Variants in LRRC4C observed in about 807,000 individuals in gnomAD.
LRRC4C encodes the protein leucine-rich repeat-containing protein 4C.
Under a neutral mutation model 33.6 loss-of-function variants are expected in LRRC4C, and 5 were observed. The observed-to-expected ratio is 0.15, with a 90% CI of 0.08 to 0.31. LRRC4C has a LOEUF of 0.31. Ranked by LOEUF, LRRC4C falls within the 10% of genes least tolerant of loss-of-function variation. The pLI, the probability that LRRC4C is intolerant of heterozygous loss-of-function variation, is 1.00. For missense variants in LRRC4C, 560 were observed against 796.7 expected, an observed-to-expected ratio of 0.70 and a Z score of 3.58; for synonymous variants, 329 against 302.0, an observed-to-expected ratio of 1.09 and a Z score of -0.93.
chr11:40,361,041 C>G (rs1255910932), intron 3 of LRRC4C, among the ~76,000 whole-genome samples: 1 of 152,112 alleles, frequency 6.6e-6, no homozygotes, highest in Non-Finnish European at 1.5e-5. Flanking sequence ...TGATATAGTT[C>G]AACATCCTTC....
At chr11:41,453,475 C>T (rs1244567830) in intron 1 of LRRC4C, among the ~76,000 whole-genome samples, 2 of 152,064 alleles carry the variant, frequency 1.3e-5, no homozygotes, top group African/African-American at 2.4e-5. Flanking sequence ...TTACAGAAGG[C>T]TTGCTCTGGA....
intron 2 of LRRC4C, among the ~76,000 whole-genome samples, chr11:40,678,651 T>G (rs11036013): frequency 0.14 from 20,585 of 151,940 alleles, 1,590 homozygotes; most frequent in Non-Finnish European, 0.17. Context: ...ATCTGATAGT[T>G]TTATAAAGGG....
intron 1 of LRRC4C, among the ~76,000 whole-genome samples, chr11:41,059,210 G>GTTGTTTTTTT (rs71060994): frequency 6.9e-4 from 87 of 125,202 alleles, no homozygotes; most frequent in African/African-American, 1.1e-3. Flanking sequence ...TAAAATAAAA[G>GTTGTTTTTTT]TTTTTTTTTT....
chr11:41,409,426 A>C (rs897407776), intron 1 of LRRC4C, among the ~76,000 whole-genome samples: 3 of 152,248 alleles, frequency 2.0e-5, no homozygotes, highest in Non-Finnish European at 4.4e-5. Context: ...ACTTTCTGAC[A>C]GGCAAAATGC....
At chr11:40,972,085 G>A (rs1218199980) in intron 1 of LRRC4C, among the ~76,000 whole-genome samples, 1 of 151,176 alleles carries the variant, frequency 6.6e-6, no homozygotes, top group African/African-American at 2.4e-5. Flanking sequence ...ATGGACTTTT[G>A]AGTTACTTCT....
At chr11:40,401,290 C>T (rs1220123044) in intron 3 of LRRC4C, among the ~76,000 whole-genome samples, 3 of 151,838 alleles carry the variant, frequency 2.0e-5, no homozygotes, top group African/African-American at 4.8e-5. Flanking sequence ...CTTATCTTAC[C>T]ACAAACATCT....
intron 2 of LRRC4C, among the ~76,000 whole-genome samples, chr11:40,700,079 G>A (rs574496975): frequency 6.6e-6 from 1 of 152,116 alleles, no homozygotes; most frequent in African/African-American, 2.4e-5. Context: ...AAGGGGAGGG[G>A]GACTTTTGAA....
chr11:40,336,516 G>C (rs1427638220), intron 3 of LRRC4C, among the ~76,000 whole-genome samples: 1 of 152,062 alleles, frequency 6.6e-6, no homozygotes, highest in Non-Finnish European at 1.5e-5. Flanking sequence ...CTGCCACCAA[G>C]GTTCAGATTC....
At chr11:40,239,340 A>G (rs985023566) in intron 5 of LRRC4C, among the ~76,000 whole-genome samples, 6 of 152,048 alleles carry the variant, frequency 3.9e-5, no homozygotes, top group African/African-American at 1.4e-4. Context: ...TTTGATCCTC[A>G]TGTCCCTCAG....
At chr11:40,381,666 TCTC>T (rs1351552768) in intron 3 of LRRC4C, among the ~76,000 whole-genome samples, 1 of 151,980 alleles carries the variant, frequency 6.6e-6, no homozygotes, top group Non-Finnish European at 1.5e-5. Context: ...AACGTGACTC[TCTC>T]CTCATTTGCT....
rs145089826 is a variant in LRRC4C at position 40,676,923 on chromosome 11, G to A, written c.-406-28645C>T. On this transcript the variant is annotated intron_variant, in intron 2 of 6. Coordinates refer to ENST00000528697, the MANE Select transcript of LRRC4C (RefSeq NM_001258419.2). ...TTTCCCAATTTACCTCTCAAATGTGGCACATTAATGGACAATGAAAAACAT... is the reference window on the plus strand; with the variant it reads ...TTTCCCAATTTACCTCTCAAATGTGACACATTAATGGACAATGAAAAACAT... Among the ~76,000 whole-genome samples, 328 of 152,130 alleles carry A rather than the reference G, an allele frequency of 2.2e-3. 1 individual carries two copies. The highest frequency in any genetic ancestry group is 7.6e-3 in the African/African-American group (315 of 41,502).
At chr11:40,791,351 TC>T (rs1321559952) in intron 2 of LRRC4C, among the ~76,000 whole-genome samples, 1 of 152,110 alleles carries the variant, frequency 6.6e-6, no homozygotes, top group East Asian at 1.9e-4. Context: ...TCAGTTATTT[TC>T]CCCCCACTTG....
intron 2 of LRRC4C, among the ~76,000 whole-genome samples, chr11:40,790,586 G>A (rs973117198): frequency 1.1e-4 from 17 of 152,190 alleles, no homozygotes; most frequent in African/African-American, 4.1e-4. Context: ...AGCAGCCAAG[G>A]AGATTTTCCC....
chr11:40,856,597 C>T (rs372459445), intron 2 of LRRC4C, among the ~76,000 whole-genome samples: 1 of 152,316 alleles, frequency 6.6e-6, no homozygotes, highest in African/African-American at 2.4e-5. Flanking sequence ...AATTAAAATG[C>T]ATAAGATAGA....
At chr11:40,286,814 T>G (rs1943873503) in intron 4 of LRRC4C, among the ~76,000 whole-genome samples, 1 of 152,158 alleles carries the variant, frequency 6.6e-6, no homozygotes, top group South Asian at 2.1e-4. Context: ...TAACAGGTGA[T>G]GAAACAAAGT....
Position 40,803,118 on chromosome 11 carries a change from G to T in LRRC4C, c.-407+130517C>A, listed in dbSNP as rs200005573. 5.9e-5 allele frequency among the ~76,000 whole-genome samples: 9 copies of T among 152,270 alleles called. No individual in the cohort carries two copies. In the East Asian group the frequency reaches 1.7e-3, roughly 29 times the overall value. On this transcript the variant is annotated intron_variant, in intron 2 of 6. Coordinates refer to ENST00000528697, the MANE Select transcript of LRRC4C (RefSeq NM_001258419.2). ...GATAACCAGGCAAGCTACCAGTTAA[G>T]TACTTAATATTTCTGTAATATTTGC...
intron 2 of LRRC4C, among the ~76,000 whole-genome samples, chr11:40,800,202 C>T (rs1036025401): frequency 6.6e-6 from 1 of 152,180 alleles, no homozygotes. Flanking sequence ...CTTCACCTTA[C>T]ATCTGGTCCA....
rs549069172 is a variant in LRRC4C, at chr11:41,404,988, C to T, written c.-496+54443G>A. On this transcript the variant is annotated intron_variant, in intron 1 of 6. Coordinates refer to ENST00000528697, the MANE Select transcript of LRRC4C (RefSeq NM_001258419.2). ...TAGAACATGCCACAATTTTAGTATG[C>T]GATATTTAAATCTTCAGTGTCTTAA... is the stretch of plus-strand genomic sequence containing the variant. 2.2e-4 allele frequency among the ~76,000 whole-genome samples: 33 copies of T among 152,008 alleles called. 1 individual carries two copies. In the East Asian group the frequency reaches 4.1e-3, roughly 19 times the overall value.
chr11:40,259,963 A>T (rs59741585), intron 4 of LRRC4C, among the ~76,000 whole-genome samples: 14,940 of 148,020 alleles, frequency 0.1, 1,444 homozygotes, highest in African/African-American at 0.27. Context: ...GTGGGACTGT[A>T]AACTAGTTCA....
Sources: gnomAD v4.1 joint callset for allele counts (sites outside exome capture counted in the v4.1 genomes callset) on GRCh38, gnomAD v4.1.1 for gene constraint, MANE v1.5 for transcripts, NCBI Gene and HGNC (gene_info 2026-07-23, HGNC 2026-07-21) for gene names.